CFAP69: variants seen among roughly 807,000 people sequenced by gnomAD.
CFAP69 encodes cilia and flagella associated protein 69, also known as cilia- and flagella-associated protein 69.
A neutral mutation model predicts 123.0 loss-of-function variants in CFAP69; 92 were observed. The ratio of observed to expected loss-of-function variants is 0.75; its 90% CI spans 0.63 to 0.89. The LOEUF is 0.89. Ranked by LOEUF, CFAP69 falls within the 40% of genes least tolerant of loss-of-function variation. CFAP69 has a pLI of 0.00. For missense variants in CFAP69, 1,067 were observed against 1,096.9 expected (o/e 0.97, Z 0.39); for synonymous variants, 380 against 364.3 (o/e 1.04, Z -0.49).
At chr7:90,312,292 A>G (rs1423516347), downstream of CFAP69, among the ~76,000 whole-genome samples, 1 of 152,204 alleles carries the variant, frequency 6.6e-6, no homozygotes, top group African/African-American at 2.4e-5. Flanking sequence ...TCATAACATG[A>G]TAGATTTTCT....
intron 21 of CFAP69, among the ~76,000 whole-genome samples, 163 bp downstream of exon 21, chr7:90,308,017 A>G (rs1793861977): frequency 6.6e-6 from 1 of 152,156 alleles, no homozygotes; most frequent in Admixed American, 6.5e-5. Flanking sequence ...GTGAAACTGC[A>G]TTTCACAGTT....
chr7:90,315,919 C>G (rs748961016), downstream of CFAP69, among the ~76,000 whole-genome samples: 22 of 152,064 alleles, frequency 1.4e-4, no homozygotes, highest in Middle Eastern at 0.01. Context: ...CTGGTGAAAC[C>G]CTGTCTCTAC....
chr7:90,303,624 A>G, intron 17 of CFAP69: 3 of 973,360 alleles, frequency 3.1e-6, no homozygotes, highest in Non-Finnish European at 3.7e-6. Flanking sequence ...TAGAAACCAA[A>G]AGTAAACAAG....
downstream of CFAP69, among the ~76,000 whole-genome samples, chr7:90,311,247 C>T (rs1359853152): frequency 2.6e-5 from 4 of 152,112 alleles, no homozygotes; most frequent in African/African-American, 9.7e-5. Context: ...TCCCTTCACA[C>T]CCCTCCTCCA....
chr7:90,252,877 T>C (rs1183247217), intron 1 of CFAP69, among the ~76,000 whole-genome samples: 1 of 152,134 alleles, frequency 6.6e-6, no homozygotes, highest in East Asian at 1.9e-4. Context: ...AAGGAAATAC[T>C]AAAACTAAGA....
intron 8 of CFAP69, among the ~76,000 whole-genome samples, chr7:90,273,016 G>A (rs1362094977): frequency 6.6e-6 from 1 of 152,148 alleles, no homozygotes; most frequent in South Asian, 2.1e-4. Flanking sequence ...TAAGAATGCT[G>A]TTCTTATAAA....
chr7:90,311,585 TTTTCCTCCTTCTTC>T (rs1300476762), downstream of CFAP69, among the ~76,000 whole-genome samples: 1 of 152,160 alleles, frequency 6.6e-6, no homozygotes, highest in African/African-American at 2.4e-5. Context: ...TGTACCCACA[TTTTCCTCCTTCTTC>T]TTTCCTCCTC....
chr7:90,275,227 T>A (rs1476848261), intron 9 of CFAP69, among the ~76,000 whole-genome samples: 2 of 152,210 alleles, frequency 1.3e-5, no homozygotes, highest in Non-Finnish European at 2.9e-5. Flanking sequence ...TATGAGCATC[T>A]TTACTGTAGA....
chr7:90,275,590 CTTTTTTTTTTT>C (rs57578763), intron 9 of CFAP69, among the ~76,000 whole-genome samples: 3 of 62,040 alleles, frequency 4.8e-5, no homozygotes, highest in Non-Finnish European at 8.3e-5. Flanking sequence ...GGCCAAAAGC[CTTTTTTTTTTT>C]TTTTTTTTTT....
At position 90,265,342 on chromosome 7, in the gene CFAP69, A is replaced by C. The variant is rs1380960693; in HGVS notation, c.398A>C (p.Tyr133Ser). 3.7e-6 allele frequency: 6 copies of C among 1,611,978 alleles called. No individual in the cohort carries two copies. In the African/African-American group the frequency reaches 8.0e-5, roughly 22 times the overall value. The stretch of plus-strand genomic sequence containing the variant: ...AAGAAAGTGTCGGATGAAATAACTT[A>C]TGCTGAAGATACTGCTAATTCAATT... ...LKKKVSDEIT[Y>S]AEDTANSIAL... is the part of the protein sequence containing the mutation. Residue 133 changes from tyrosine (Y) to serine (S), a missense_variant, in exon 5 of 23, where the codon TAT becomes TCT. Tyr to Ser is a moderately radical substitution (Grantham distance 144). Coordinates refer to ENST00000389297, the MANE Select transcript of CFAP69 (RefSeq NM_001039706.3).
At position 90,279,708 on chromosome 7, in the gene CFAP69, T is replaced by G. The variant is rs1789168796; in HGVS notation, c.1187T>G (p.Leu396Trp). The change falls in exon 12 of 23, where the codon TTG becomes TGG. Residue 396 changes from leucine to tryptophan, a missense_variant. By Grantham distance (61) the Leu-to-Trp change is moderately conservative. Coordinates refer to ENST00000389297, the MANE Select transcript of CFAP69 (RefSeq NM_001039706.3). ...ATTGATGGCAAAGTTATTTTGGCTT[T>G]GTTTACCTATGTTAAGAAGCCTGAG... ...LLIDGKVILA[L>W]FTYVKKPEKQ... 6.2e-7 allele frequency: 1 copy of G among 1,605,920 alleles called. No individual in the cohort carries two copies. Among genetic ancestry groups the G allele is most frequent in the South Asian group, 1.1e-5 (1 of 89,486 alleles).
At chr7:90,269,726 A>G (rs1196658201) in intron 6 of CFAP69, among the ~76,000 whole-genome samples, 1 of 152,202 alleles carries the variant, frequency 6.6e-6, no homozygotes, top group Non-Finnish European at 1.5e-5. Flanking sequence ...GTGGCAGTTC[A>G]TGAATGCAGA....
At chr7:90,290,654 A>C (rs370767807) in intron 15 of CFAP69, among the ~76,000 whole-genome samples, 4 of 152,194 alleles carry the variant, frequency 2.6e-5, no homozygotes, top group African/African-American at 9.6e-5. Flanking sequence ...CATTTCATAT[A>C]CCAGCCTCTA....
intron 9 of CFAP69, chr7:90,276,242 C>T (rs977637331): frequency 1.3e-5 from 2 of 152,232 alleles, no homozygotes; most frequent in African/African-American, 4.8e-5. Context: ...TCATGGAATT[C>T]ATGCTGTGCA....
intron 15 of CFAP69, among the ~76,000 whole-genome samples, chr7:90,289,618 T>C (rs1363645047): frequency 1.3e-5 from 2 of 152,188 alleles, no homozygotes; most frequent in African/African-American, 4.8e-5. Flanking sequence ...ACAGATAGTC[T>C]TAATTTCAGT....
At position 90,245,363 on chromosome 7, in the gene CFAP69, CG is replaced by C; in HGVS notation, c.-60del. On this transcript the variant is annotated 5_prime_UTR_variant, in exon 1 of 23. Coordinates refer to ENST00000389297, the MANE Select transcript of CFAP69 (RefSeq NM_001039706.3). ...GGTGGCGGGGCCTCTTTGGGCCCAG[CG>C]GCTGCGGGCGCACTGTAGGACAGGA... The C allele has an allele frequency of 6.9e-7, 1 of 1,446,520 alleles. No homozygotes were observed. The highest frequency in any genetic ancestry group is 9.1e-7 in the Non-Finnish European group (1 of 1,099,116). 89.6% of individuals were successfully genotyped at this position (1,446,520 alleles called of 1,614,324 possible).
Position 90,282,882 on chromosome 7 carries a change from T to C in CFAP69, c.1373-10T>C. ...TGTTTTTGTTTTAAATTATCACTTT[T>C]TCTCCACAGATCCGTTTTTCAGTCA... On this transcript the variant is annotated splice_polypyrimidine_tract_variant and intron_variant, in intron 12 of 22. Coordinates refer to ENST00000389297, the MANE Select transcript of CFAP69 (RefSeq NM_001039706.3). 5 of 1,451,636 alleles carry C rather than the reference T, an allele frequency of 3.4e-6. No individual in the cohort carries two copies. The highest frequency in any genetic ancestry group is 4.6e-6 in the Non-Finnish European group (5 of 1,096,872). 89.9% of individuals were successfully genotyped at this position (1,451,636 alleles called of 1,614,324 possible).
At chr7:90,320,690 C>T in the CFAP69 span, 3 of 152,264 alleles carry the variant, frequency 2.0e-5, no homozygotes, top group African/African-American at 7.2e-5. Flanking sequence ...CCTTTCCCCC[C>T]GTACACAGCC....
chr7:90,245,228 C>T lies in CFAP69; in HGVS notation c.-197C>T. ...GCCCGGGATCAGAGGTCTGGGTCAACTGGGGGGCGGCAGCGGCGCTAAGCG... is the reference window on the plus strand; with the variant it reads ...GCCCGGGATCAGAGGTCTGGGTCAATTGGGGGGCGGCAGCGGCGCTAAGCG... On this transcript the variant is annotated 5_prime_UTR_variant, in exon 1 of 23. Coordinates refer to ENST00000389297, the MANE Select transcript of CFAP69 (RefSeq NM_001039706.3). The T allele has an allele frequency of 1.7e-6, 1 of 603,560 alleles. No homozygotes were observed. Among genetic ancestry groups the T allele is most frequent in the Non-Finnish European group, 2.5e-6 (1 of 394,804 alleles). The allele number at this position is 603,560 out of a possible 1,614,324, so 37.4% of individuals were successfully genotyped here.
Sources: gnomAD v4.1 joint callset for allele counts (sites outside exome capture counted in the v4.1 genomes callset) on GRCh38, gnomAD v4.1.1 for gene constraint, MANE v1.5 for transcripts, NCBI Gene and HGNC (gene_info 2026-07-23, HGNC 2026-07-21) for gene names.